The following COL26A1 variants were observed in gnomAD, a reference collection of about 807,000 sequenced individuals.
The protein encoded by COL26A1 is collagen type XXVI alpha 1 chain, also known as collagen alpha-1(XXVI) chain.
In COL26A1, 41 loss-of-function variants were observed where a neutral mutation model predicts 59.3. That is an observed-to-expected ratio of 0.69 (90% confidence interval 0.54 to 0.90). COL26A1 has a LOEUF of 0.90. Among genes scored for constraint, COL26A1 ranks in the 40% least tolerant of loss-of-function variants. The probability of loss-of-function intolerance (pLI) is 0.00; values close to 1 mark genes in which losing one functional copy is unlikely to be tolerated. For synonymous variants in COL26A1, 266 were observed against 256.0 expected (o/e 1.04, Z -0.37); for missense variants, 612 against 602.3 (o/e 1.02, Z -0.17).
At chr7:101,467,057 A>G (rs1387131484) in intron 3 of COL26A1, among the ~76,000 whole-genome samples, 1 of 151,860 alleles carries the variant, frequency 6.6e-6, no homozygotes, top group Non-Finnish European at 1.5e-5. Flanking sequence ...TTGGAGTCCA[A>G]CCAAATTCCC....
At chr7:101,548,819 TC>T (rs1421867279) in intron 8 of COL26A1, among the ~76,000 whole-genome samples, 1 of 151,810 alleles carries the variant, frequency 6.6e-6, no homozygotes, top group Non-Finnish European at 1.5e-5. Flanking sequence ...GGGTCCCAGG[TC>T]CCGAGGCGGG....
intron 3 of COL26A1, among the ~76,000 whole-genome samples, chr7:101,473,555 G>A (rs990944626): frequency 6.6e-6 from 1 of 151,032 alleles, no homozygotes; most frequent in Non-Finnish European, 1.5e-5. Context: ...CAGGAGAATT[G>A]CTTGAGGCCA....
intron 1 of COL26A1, among the ~76,000 whole-genome samples, chr7:101,391,768 T>C (rs572760630): frequency 6.6e-6 from 1 of 152,348 alleles, no homozygotes; most frequent in East Asian, 1.9e-4. Flanking sequence ...TCAGTCAGGC[T>C]GGTCTCAAAC....
chr7:101,469,445 G>A (rs933496727), intron 3 of COL26A1, among the ~76,000 whole-genome samples: 12 of 151,794 alleles, frequency 7.9e-5, no homozygotes, highest in African/African-American at 2.4e-4. Context: ...TAAACGGGGT[G>A]CCCAGTTTAC....
chr7:101,513,241 C>T (rs1794963189), intron 3 of COL26A1, among the ~76,000 whole-genome samples: 1 of 152,040 alleles, frequency 6.6e-6, no homozygotes, highest in Admixed American at 6.6e-5. Flanking sequence ...CTCCTGACCT[C>T]AAGTGATCCA....
chr7:101,362,646 T>G (rs573548207), upstream of COL26A1, among the ~76,000 whole-genome samples: 1 of 152,180 alleles, frequency 6.6e-6, no homozygotes, highest in African/African-American at 2.4e-5. Context: ...CCGAAGAAGG[T>G]TTGGTTTCAA....
At chr7:101,507,594 T>C (rs1038981384) in intron 3 of COL26A1, among the ~76,000 whole-genome samples, 1 of 146,750 alleles carries the variant, frequency 6.8e-6, no homozygotes, top group Admixed American at 6.8e-5. Flanking sequence ...ATTTTTAGTG[T>C]TTGTAATAGA....
chr7:101,557,290 T>C (rs1796001030), intron 12 of COL26A1, 80 bp from the exon 13 acceptor site: 2 of 1,432,458 alleles, frequency 1.4e-6, no homozygotes, highest in South Asian at 2.8e-5. Context: ...CATCTCTCCG[T>C]GGCCACATAT....
upstream of COL26A1, chr7:101,362,749 T>G (rs1790919092): frequency 2.1e-6 from 1 of 481,316 alleles, no homozygotes; most frequent in Non-Finnish European, 3.7e-6. Context: ...GCACCCTAGC[T>G]CTGCCGCCAC....
intron 5 of COL26A1, among the ~76,000 whole-genome samples, chr7:101,542,960 CA>C (rs1348643088): frequency 6.6e-6 from 1 of 152,158 alleles, no homozygotes; most frequent in Non-Finnish European, 1.5e-5. Flanking sequence ...CCTTTCCAAC[CA>C]GGGGAAAATG....
chr7:101,544,788 C>T (rs1795695754), intron 6 of COL26A1, among the ~76,000 whole-genome samples: 1 of 152,198 alleles, frequency 6.6e-6, no homozygotes, highest in Non-Finnish European at 1.5e-5. Flanking sequence ...CTGCCTTGGC[C>T]TCCCAAAGTG....
At chr7:101,409,213 A>G (rs1172193616) in intron 1 of COL26A1, among the ~76,000 whole-genome samples, 2 of 152,152 alleles carry the variant, frequency 1.3e-5, no homozygotes, top group Non-Finnish European at 2.9e-5. Flanking sequence ...CTGGTTTCAA[A>G]CAGGAGTAGG....
chr7:101,388,755 A>T (rs568591614), intron 1 of COL26A1: 3 of 152,336 alleles, frequency 2.0e-5, no homozygotes, highest in African/African-American at 7.2e-5. Context: ...TTTAGTAGAA[A>T]CAGGGTTTCA....
intron 3 of COL26A1, among the ~76,000 whole-genome samples, chr7:101,466,163 A>G (rs1793753683): frequency 6.6e-6 from 1 of 152,070 alleles, no homozygotes; most frequent in Non-Finnish European, 1.5e-5. Flanking sequence ...CAGACCCAGC[A>G]TTTAAATCCT....
intron 3 of COL26A1, among the ~76,000 whole-genome samples, chr7:101,525,623 A>G (rs1005718323): frequency 2.7e-5 from 4 of 150,882 alleles, no homozygotes; most frequent in Admixed American, 2.0e-4. Flanking sequence ...CAGCCTCCTG[A>G]GTAGCTGGGA....
Position 101,535,954 on chromosome 7 carries a change from C to T in COL26A1, c.447+2811C>T, listed in dbSNP as rs369461030. Among the ~76,000 whole-genome samples, 7 of 152,196 alleles carry T rather than the reference C, an allele frequency of 4.6e-5. No homozygotes were observed. In the East Asian group the frequency reaches 1.2e-3, roughly 25 times the overall value. ...GCTGGGAGACTCCTATCTTAGCTCCCCCGTCTTGTCTGGAGCACCTTCTGG... is the reference window on the plus strand; with the variant it reads ...GCTGGGAGACTCCTATCTTAGCTCCTCCGTCTTGTCTGGAGCACCTTCTGG... On this transcript the variant is annotated intron_variant, in intron 4 of 12. Transcript: ENST00000313669.
At position 101,558,322 on chromosome 7, in the gene COL26A1, A is replaced by C. The variant is rs10234978; in HGVS notation, c.*792A>C. ...AGAAGCATTGGGGGTGCAAGTGTCC[A>C]CCAAACCAGATAGGCATCCCTGGCC... On this transcript the variant is annotated 3_prime_UTR_variant, in exon 13 of 13. Coordinates refer to ENST00000313669, the MANE Select transcript of COL26A1 (RefSeq NM_001278563.3). 92,075 of 151,614 alleles carry C rather than the reference A, an allele frequency of 0.61. 28,424 individuals carry two copies. Among genetic ancestry groups the C allele is most frequent in the East Asian group, 0.97 (5,013 of 5,146 alleles). 9.4% of individuals were successfully genotyped at this position (151,614 alleles called of 1,614,324 possible).
At chr7:101,403,667 G>A (rs576077629) in intron 1 of COL26A1, among the ~76,000 whole-genome samples, 32 of 152,248 alleles carry the variant, frequency 2.1e-4, no homozygotes, top group African/African-American at 6.7e-4. Flanking sequence ...ATGAACCACC[G>A]TGCCCAGCCT....
At chr7:101,420,776 C>T (rs896687882) in intron 2 of COL26A1, among the ~76,000 whole-genome samples, 1 of 150,624 alleles carries the variant, frequency 6.6e-6, no homozygotes, top group Non-Finnish European at 1.5e-5. Flanking sequence ...CTCCCTCTCA[C>T]CAGCCCCTCC....
Sources: gnomAD v4.1 joint callset for allele counts (sites outside exome capture counted in the v4.1 genomes callset) on GRCh38, gnomAD v4.1.1 for gene constraint, MANE v1.5 for transcripts, NCBI Gene and HGNC (gene_info 2026-07-23, HGNC 2026-07-21) for gene names.